The following VPS54 variants were observed in gnomAD, a reference collection of about 807,000 sequenced individuals.
VPS54 encodes the protein vacuolar protein sorting-associated protein 54.
VPS54 carries 45 observed loss-of-function variants against 121.5 expected under a neutral mutation model. The ratio of observed to expected loss-of-function variants is 0.37; its 90% CI spans 0.29 to 0.47. VPS54 has a LOEUF of 0.47. Among genes scored for constraint, VPS54 ranks in the 20% least tolerant of loss-of-function variants. The pLI is 0.99. For missense variants in VPS54, 1,090 were observed against 1,131.4 expected (o/e 0.96, Z 0.52); for synonymous variants, 371 against 385.8 (o/e 0.96, Z 0.45).
rs777168254 is a variant in VPS54 at position 64,017,021 on chromosome 2, TAAAAAAA to T, written c.-21+1910_-21+1916del. The stretch of plus-strand genomic sequence containing the variant: ...GGAATTGTAATTAACTTTTGTTGAT[TAAAAAAA>T]AAAAAAAAAAAAAAAAGAGTGTGAT... On this transcript the variant is annotated intron_variant, in intron 1 of 22. Transcript: ENST00000272322. Among the ~76,000 whole-genome samples, 18 of 100,386 alleles carry T rather than the reference TAAAAAAA, an allele frequency of 1.8e-4. No individual in the cohort carries two copies. In the East Asian group the frequency reaches 2.7e-3, roughly 15 times the overall value. 65.9% of individuals were successfully genotyped at this position (100,386 alleles called of 152,430 possible).
chr2:64,000,926 T>C (rs1278970976), intron 1 of VPS54, among the ~76,000 whole-genome samples: 1 of 152,170 alleles, frequency 6.6e-6, no homozygotes, highest in African/African-American at 2.4e-5. Context: ...CATCGGCAGG[T>C]GGCAAAGCCA....
At position 63,921,335 on chromosome 2, in the gene VPS54, C is replaced by A. The variant is rs748180976; in HGVS notation, c.1740G>T (p.Met580Ile). ...SSAIPGGVDI[M>I]VSEDMKLTDS... ...CAGTTAATTTCATATCTTCACTGAC[C>A]CTGAAAATAACAAAATAAGATTTAG... Residue 580 changes from methionine to isoleucine, a missense_variant and splice_region_variant, in exon 13 of 23, where the codon ATG becomes ATT. This residue lies in a region of VPS54 where 801 missense variants were observed against 757.0 expected (regional missense o/e 1.06). Coordinates refer to ENST00000272322, the MANE Select transcript of VPS54 (RefSeq NM_016516.3). 7 of 1,608,800 alleles carry A rather than the reference C, an allele frequency of 4.4e-6. No individual in the cohort carries two copies. The Admixed American group carries it at 6.7e-5, about 15-fold the overall frequency.
chr2:63,919,519 T>C (rs1175880328), intron 15 of VPS54, among the ~76,000 whole-genome samples: 4 of 152,072 alleles, frequency 2.6e-5, no homozygotes, highest in African/African-American at 9.7e-5. Flanking sequence ...TGAAATTATA[T>C]AAAGCTGGTT....
chr2:63,950,628 T>G lies in VPS54; in HGVS notation c.1011-1465A>C, dbSNP rs533219221. On this transcript the variant is annotated intron_variant, in intron 7 of 22. Coordinates refer to ENST00000272322, the MANE Select transcript of VPS54 (RefSeq NM_016516.3). Reference sequence around the variant, plus strand: ...TGGCAGCTGTTATTTATCTTCTCCCTTTGAAGCTTGTGGGTTAGCAGCTTT... The same window carrying G: ...TGGCAGCTGTTATTTATCTTCTCCCGTTGAAGCTTGTGGGTTAGCAGCTTT... 2.6e-5 allele frequency among the ~76,000 whole-genome samples: 4 copies of G among 152,302 alleles called. No individual in the cohort carries two copies. The South Asian group carries it at 6.2e-4, about 24-fold the overall frequency.
intron 3 of VPS54, among the ~76,000 whole-genome samples, chr2:63,979,245 T>G (rs1192001086): frequency 1.3e-5 from 2 of 150,314 alleles, no homozygotes; most frequent in African/African-American, 2.4e-5. Context: ...CTGTTTGTTT[T>G]TTTTTTTTTT....
intron 11 of VPS54, among the ~76,000 whole-genome samples, chr2:63,938,190 C>G (rs1402526046): frequency 6.6e-6 from 1 of 151,784 alleles, no homozygotes; most frequent in Non-Finnish European, 1.5e-5. Flanking sequence ...TGGTCTCAAA[C>G]TCTGGTCTCA....
At position 63,977,982 on chromosome 2, in the gene VPS54, A is replaced by C. The variant is rs548151186; in HGVS notation, c.378+3664T>G. Among the ~76,000 whole-genome samples the C allele has an allele frequency of 5.3e-5, 8 of 152,340 alleles. No homozygotes were observed. In the South Asian group the frequency reaches 1.7e-3, roughly 32 times the overall value. On this transcript the variant is annotated intron_variant, in intron 3 of 22. Transcript: ENST00000272322. ...AGACCTCTTAAATAAGGTCTGAGAC[A>C]TGTAGTCCTTTCCGTTGTATTCTCA...
chr2:63,948,603 G>A (rs1375875144), intron 8 of VPS54, among the ~76,000 whole-genome samples: 4 of 151,710 alleles, frequency 2.6e-5, no homozygotes, highest in Admixed American at 2.6e-4. Flanking sequence ...GTCTCCCTGT[G>A]TTGCCAAGGC....
rs76881244 is a variant in VPS54 at position 63,911,456 on chromosome 2, C to T, written c.2625+889G>A. On this transcript the variant is annotated intron_variant, in intron 20 of 22. Coordinates refer to ENST00000272322, the MANE Select transcript of VPS54 (RefSeq NM_016516.3). The stretch of plus-strand genomic sequence containing the variant: ...TTCCAGGAATCTGGGAAGTAAAAGC[C>T]GCTTTCATAATAATATTATTAATAA... Among the ~76,000 whole-genome samples the T allele has an allele frequency of 5.9e-5, 9 of 152,166 alleles. No individual in the cohort carries two copies. The East Asian group carries it at 9.6e-4, about 16-fold the overall frequency.
At chr2:63,915,644 A>AC (rs1261310537) in intron 16 of VPS54, among the ~76,000 whole-genome samples, 1 of 152,166 alleles carries the variant, frequency 6.6e-6, no homozygotes, top group East Asian at 1.9e-4. Flanking sequence ...TGACCAGATA[A>AC]CCAGTAGTTA....
rs1174931536 is a variant in VPS54, at chr2:63,976,825, C to CTTTTTTTTT, written c.379-4590_379-4582dup. 1.9e-3 allele frequency among the ~76,000 whole-genome samples: 169 copies of CTTTTTTTTT among 89,658 alleles called. 7 individuals carry two copies. Among genetic ancestry groups the CTTTTTTTTT allele is most frequent in the African/African-American group, 6.8e-3 (165 of 24,160 alleles). 58.8% of individuals were successfully genotyped at this position (89,658 alleles called of 152,430 possible). On this transcript the variant is annotated intron_variant, in intron 3 of 22. Coordinates refer to ENST00000272322, the MANE Select transcript of VPS54 (RefSeq NM_016516.3). ...TTGATACTAGTAGCTTATATCTTCT[C>CTTTTTTTTT]TTTTTTTTTTTTTTTTTTTTTGAGA... is the stretch of plus-strand genomic sequence containing the variant.
chr2:64,009,903 G>A (rs996659702), intron 1 of VPS54, among the ~76,000 whole-genome samples: 2 of 150,544 alleles, frequency 1.3e-5, no homozygotes, highest in Non-Finnish European at 1.5e-5. Context: ...GTGCAGTGGC[G>A]TGATCTCGGC....
intron 9 of VPS54, 23 bp from the exon 10 acceptor site, chr2:63,944,678 A>G (rs754615951): frequency 1.2e-5 from 19 of 1,580,442 alleles, no homozygotes; most frequent in Non-Finnish European, 1.6e-5. Context: ...AGAAAAAACA[A>G]AAACAATTTG....
chr2:63,921,336 C>T lies in VPS54; in HGVS notation c.1740-1G>A. 6.2e-7 allele frequency: 1 copy of T among 1,610,010 alleles called. No individual in the cohort carries two copies. The highest frequency in any genetic ancestry group is 8.5e-7 in the Non-Finnish European group (1 of 1,177,814). ...AGTTAATTTCATATCTTCACTGACC[C>T]TGAAAATAACAAAATAAGATTTAGT... On this transcript the variant is annotated splice_acceptor_variant, in intron 12 of 22. Coordinates refer to ENST00000272322, the MANE Select transcript of VPS54 (RefSeq NM_016516.3). LOFTEE classifies it high-confidence loss of function.
rs138069675 is a variant in VPS54 at position 63,964,414 on chromosome 2, T to C, written c.624+1421A>G. ...TATTAAAATGCTATAAAGGAAATAA[T>C]TTTTAAATTATCTGTATTAAAAGTA... On this transcript the variant is annotated intron_variant, in intron 6 of 22. Transcript: ENST00000272322. Among the ~76,000 whole-genome samples the C allele has an allele frequency of 5.9e-3, 898 of 152,270 alleles. 14 individuals are homozygous for C. Among genetic ancestry groups the C allele is most frequent in the African/African-American group, 0.02 (840 of 41,552 alleles).
chr2:63,954,554 A>G (rs1477547899), intron 7 of VPS54, among the ~76,000 whole-genome samples: 1 of 152,118 alleles, frequency 6.6e-6, no homozygotes, highest in Non-Finnish European at 1.5e-5. Flanking sequence ...ATTCCAGTGA[A>G]TAAGTAAAGA....
chr2:63,981,591 A>G, intron 3 of VPS54, 55 bp downstream of exon 3: 2 of 1,504,170 alleles, frequency 1.3e-6, no homozygotes, highest in South Asian at 2.8e-5. Flanking sequence ...AAAGCATACT[A>G]AAAATATTTC....
At chr2:64,000,432 G>T (rs961030505) in intron 1 of VPS54, among the ~76,000 whole-genome samples, 2 of 152,148 alleles carry the variant, frequency 1.3e-5, no homozygotes, top group African/African-American at 4.8e-5. Flanking sequence ...TATTTTCCTG[G>T]ATGATGTAGA....
At chr2:63,983,401 T>G (rs145435011) in intron 2 of VPS54, among the ~76,000 whole-genome samples, 4,206 of 151,276 alleles carry the variant, frequency 0.028, 185 homozygotes, top group African/African-American at 0.097. Flanking sequence ...CCTCCCAAAG[T>G]GCTGGGATTA....
Sources: allele counts gnomAD v4.1 joint callset (sites outside exome capture counted in the v4.1 genomes callset), GRCh38; gene constraint gnomAD v4.1.1; regional missense constraint gnomAD v4.1.1; transcripts MANE v1.5; gene names NCBI Gene and HGNC (gene_info 2026-07-23, HGNC 2026-07-21).